Variants in DCC observed in about 807,000 individuals in gnomAD.
DCC encodes the protein DCC netrin 1 receptor.
A neutral mutation model predicts 172.5 loss-of-function variants in DCC; 58 were observed. The observed-to-expected ratio is 0.34, with a 90% confidence interval of 0.27 to 0.42. The LOEUF (loss-of-function observed/expected upper bound fraction) is 0.42, where lower values mean the gene tolerates loss of function less well. DCC is among the 10% of genes least tolerant of loss of function. The pLI, the probability that DCC is intolerant of heterozygous loss-of-function variation, is 1.00. For missense variants in DCC, 1,740 were observed against 1,791.0 expected, an observed-to-expected ratio of 0.97 and a Z score of 0.51; for synonymous variants, 709 against 644.5, an observed-to-expected ratio of 1.10 and a Z score of -1.52.
At chr18:53,133,007 A>G (rs1054612466) in intron 7 of DCC, among the ~76,000 whole-genome samples, 2 of 152,232 alleles carry the variant, frequency 1.3e-5, no homozygotes, top group African/African-American at 4.8e-5. Context: ...TCATCAAACC[A>G]TAAGTAAGAA....
chr18:53,314,479 T>G (rs937155504), intron 13 of DCC, among the ~76,000 whole-genome samples: 1 of 152,174 alleles, frequency 6.6e-6, no homozygotes, highest in African/African-American at 2.4e-5. Context: ...AAGGAAGAAC[T>G]TTTCTAAAAA....
chr18:53,273,375 C>G (rs1343869613), intron 12 of DCC, among the ~76,000 whole-genome samples: 2 of 151,964 alleles, frequency 1.3e-5, no homozygotes, highest in African/African-American at 4.8e-5. Flanking sequence ...CCTGATTCAT[C>G]ATGATTATAT....
intron 12 of DCC, among the ~76,000 whole-genome samples, chr18:53,291,842 G>A (rs1209917211): frequency 6.6e-6 from 1 of 152,120 alleles, no homozygotes; most frequent in East Asian, 1.9e-4. Context: ...ATTCCAAAAT[G>A]TATTAATCGT....
At chr18:52,685,034 T>C (rs1395130627) in intron 1 of DCC, among the ~76,000 whole-genome samples, 1 of 152,110 alleles carries the variant, frequency 6.6e-6, no homozygotes, top group Non-Finnish European at 1.5e-5. Flanking sequence ...ATTCTTATGT[T>C]CCAAAGACAG....
intron 12 of DCC, among the ~76,000 whole-genome samples, chr18:53,222,001 T>G (rs1280469317): frequency 6.6e-6 from 1 of 152,166 alleles, no homozygotes; most frequent in African/African-American, 2.4e-5. Flanking sequence ...GTAAAAGACA[T>G]AATTTTGTCT....
rs1568102148 is a variant in DCC at position 53,391,844 on chromosome 18, C to T, written c.2645C>T (p.Thr882Ile). The change falls in exon 17 of 29, where the codon ACC (threonine) becomes ATC (isoleucine). Residue 882 changes from threonine (T) to isoleucine (I), a missense_variant. Transcript: ENST00000442544. ...AAGACGTCTGAGGTGCGACTTTACA[C>T]CGTCCGGTGGAGAACCAGCTTTTCT... ...NQKTSEVRLYTVRWRTSFSAS... is the reference protein window; with the variant it reads ...NQKTSEVRLYIVRWRTSFSAS... 1.9e-6 allele frequency: 3 copies of T among 1,613,144 alleles called. No individual in the cohort carries two copies. The African/African-American group carries it at 4.0e-5, about 22-fold the overall frequency.
intron 1 of DCC, among the ~76,000 whole-genome samples, chr18:52,345,548 C>T (rs1411478563): frequency 6.6e-6 from 1 of 152,178 alleles, no homozygotes. Context: ...AATTTTTCGG[C>T]AGCCTGCTGT....
intron 15 of DCC, 143 bp from the exon 16 acceptor site, chr18:53,385,900 T>G (rs1029865085): frequency 1.9e-5 from 13 of 688,254 alleles, no homozygotes; most frequent in Non-Finnish European, 2.9e-5. Context: ...ACTGCCACTT[T>G]CCTTTCTGAA....
intron 1 of DCC, among the ~76,000 whole-genome samples, chr18:52,582,454 G>A (rs1378691655): frequency 6.6e-6 from 1 of 152,140 alleles, no homozygotes; most frequent in Non-Finnish European, 1.5e-5. Context: ...TTAGCCAGGG[G>A]AGTTCTTGTG....
At chr18:53,104,048 C>T (rs1568307071) in intron 7 of DCC, among the ~76,000 whole-genome samples, 1 of 151,984 alleles carries the variant, frequency 6.6e-6, no homozygotes, top group Non-Finnish European at 1.5e-5. Flanking sequence ...TGCCAAAATT[C>T]ACAAACAACA....
intron 1 of DCC, among the ~76,000 whole-genome samples, chr18:52,341,517 C>T (rs1364077480): frequency 6.6e-6 from 1 of 152,108 alleles, no homozygotes; most frequent in African/African-American, 2.4e-5. Flanking sequence ...GAATGTAGTT[C>T]GCAAGCTGAG....
intron 5 of DCC, among the ~76,000 whole-genome samples, chr18:52,972,062 G>A (rs891571183): frequency 6.6e-6 from 1 of 152,168 alleles, no homozygotes; most frequent in Non-Finnish European, 1.5e-5. Context: ...TCAAAATGAT[G>A]TGGATTTGAA....
chr18:52,801,032 T>C (rs193258003), intron 2 of DCC, among the ~76,000 whole-genome samples: 2 of 152,290 alleles, frequency 1.3e-5, no homozygotes, highest in Admixed American at 1.3e-4. Flanking sequence ...ATTGTTTGCA[T>C]TGAAATCCCA....
intron 1 of DCC, among the ~76,000 whole-genome samples, chr18:52,516,675 C>CA (rs763718090): frequency 6.6e-6 from 1 of 152,170 alleles, no homozygotes; most frequent in Non-Finnish European, 1.5e-5. Context: ...CATCAAAGTG[C>CA]ATTAAATACC....
intron 9 of DCC, among the ~76,000 whole-genome samples, chr18:53,190,890 G>C (rs2055357131): frequency 6.6e-6 from 1 of 152,168 alleles, no homozygotes; most frequent in Non-Finnish European, 1.5e-5. Flanking sequence ...AGCTTGCAGT[G>C]AGCCGAGATC....
chr18:52,732,998 G>A (rs924842195), intron 1 of DCC, among the ~76,000 whole-genome samples: 2 of 152,120 alleles, frequency 1.3e-5, no homozygotes, highest in African/African-American at 4.8e-5. Flanking sequence ...AAAATGCTAA[G>A]TCAATCTTCT....
intron 3 of DCC, among the ~76,000 whole-genome samples, chr18:52,909,028 A>T (rs1033124338): frequency 2.0e-5 from 3 of 152,074 alleles, no homozygotes; most frequent in African/African-American, 7.2e-5. Context: ...CGAGTTTGCA[A>T]GTTGGTTTAG....
intron 15 of DCC, among the ~76,000 whole-genome samples, chr18:53,383,879 T>C (rs1568096619): frequency 6.6e-6 from 1 of 152,262 alleles, no homozygotes; most frequent in Middle Eastern, 3.4e-3. Flanking sequence ...ACCCATTTGC[T>C]TTATTCCATA....
At chr18:52,838,950 C>T (rs957259215) in intron 2 of DCC, among the ~76,000 whole-genome samples, 2 of 152,128 alleles carry the variant, frequency 1.3e-5, no homozygotes, top group African/African-American at 4.8e-5. Flanking sequence ...GAAAAGAAAA[C>T]AGCTTGAGTA....
Sources: gnomAD v4.1 joint callset for allele counts (sites outside exome capture counted in the v4.1 genomes callset) on GRCh38, gnomAD v4.1.1 for gene constraint, MANE v1.5 for transcripts, NCBI Gene and HGNC (gene_info 2026-07-23, HGNC 2026-07-21) for gene names.